PIK3C2G: variants seen among roughly 807,000 people sequenced by gnomAD.
PIK3C2G encodes the protein phosphatidylinositol-4-phosphate 3-kinase catalytic subunit type 2 gamma, also known as phosphatidylinositol 3-kinase C2 domain-containing subunit gamma.
A neutral mutation model predicts 181.1 loss-of-function variants in PIK3C2G; 168 were observed. The observed-to-expected ratio is 0.93, with a 90% CI of 0.82 to 1.05. PIK3C2G has a LOEUF of 1.05. Among genes scored for constraint, PIK3C2G ranks in the 50% least tolerant of loss-of-function variants. PIK3C2G has a pLI of 0.00. For synonymous variants in PIK3C2G, 573 were observed against 592.2 expected (o/e 0.97, Z 0.47); for missense variants, 1,869 against 1,732.8 (o/e 1.08, Z -1.40).
At chr12:18,277,173 T>C (rs181958510) in intron 1 of PIK3C2G, among the ~76,000 whole-genome samples, 14 of 152,248 alleles carry the variant, frequency 9.2e-5, no homozygotes, top group African/African-American at 2.6e-4. Context: ...TACCTATCTG[T>C]CTATCTAGTT....
At chr12:18,521,021 G>A (rs1942878871) in intron 24 of PIK3C2G, among the ~76,000 whole-genome samples, 1 of 152,098 alleles carries the variant, frequency 6.6e-6, no homozygotes, top group Non-Finnish European at 1.5e-5. Flanking sequence ...GGCTGCTGCA[G>A]TTTGCTGGGG....
intron 24 of PIK3C2G, among the ~76,000 whole-genome samples, chr12:18,506,189 T>C (rs1329126226): frequency 6.6e-6 from 1 of 151,710 alleles, no homozygotes; most frequent in East Asian, 1.9e-4. Context: ...GCACATACAA[T>C]AGCAGTGAGC....
chr12:18,698,303 T>C, the PIK3C2G span, among the ~76,000 whole-genome samples: 2 of 143,888 alleles, frequency 1.4e-5, no homozygotes, highest in African/African-American at 5.3e-5. Flanking sequence ...TTCCATTCCA[T>C]TCCATCCCAT....
intron 24 of PIK3C2G, among the ~76,000 whole-genome samples, chr12:18,533,435 T>A (rs1176775977): frequency 6.6e-6 from 1 of 152,134 alleles, no homozygotes; most frequent in South Asian, 2.1e-4. Context: ...CTCTGAAATA[T>A]GCTTTTAAGT....
intron 18 of PIK3C2G, among the ~76,000 whole-genome samples, chr12:18,487,341 T>G (rs1016745755): frequency 1.3e-5 from 2 of 152,154 alleles, no homozygotes; most frequent in African/African-American, 4.8e-5. Context: ...ATAATTTGTT[T>G]GTTAGAGTAT....
At chr12:18,542,127 T>C (rs953601425) in intron 25 of PIK3C2G, among the ~76,000 whole-genome samples, 20 of 151,884 alleles carry the variant, frequency 1.3e-4, no homozygotes, top group Admixed American at 1.2e-3. Flanking sequence ...ATTCAGGGTA[T>C]CCAGAGAAAC....
intron 30 of PIK3C2G, among the ~76,000 whole-genome samples, chr12:18,607,378 C>T (rs1262741153): frequency 6.6e-6 from 1 of 151,866 alleles, no homozygotes; most frequent in Non-Finnish European, 1.5e-5. Context: ...CAGAACAGAG[C>T]CCTCAGAAAT....
chr12:18,674,666 C>T, the PIK3C2G span, among the ~76,000 whole-genome samples: 1 of 152,172 alleles, frequency 6.6e-6, no homozygotes, highest in Non-Finnish European at 1.5e-5. Flanking sequence ...TTTGCAACTA[C>T]TCCCATGAAG....
At chr12:18,391,308 A>G in intron 15 of PIK3C2G, 56 bp downstream of exon 15, 6 of 1,378,588 alleles carry the variant, frequency 4.4e-6, no homozygotes, top group Non-Finnish European at 5.8e-6. Flanking sequence ...GATTTCCTCA[A>G]TCATTCTTGA....
downstream of PIK3C2G, among the ~76,000 whole-genome samples, chr12:18,650,038 T>A (rs116037574): frequency 5.3e-3 from 810 of 152,170 alleles, 9 homozygotes; most frequent in African/African-American, 0.019. Context: ...TGAATACTGA[T>A]GATTCCCAGT....
At chr12:18,673,403 C>T in the PIK3C2G span, among the ~76,000 whole-genome samples, 4 of 151,776 alleles carry the variant, frequency 2.6e-5, no homozygotes, top group African/African-American at 9.7e-5. Flanking sequence ...ATATCATAAA[C>T]AGAGCCATTT....
At chr12:18,379,228 G>A (rs1452530978) in intron 13 of PIK3C2G, among the ~76,000 whole-genome samples, 1 of 151,940 alleles carries the variant, frequency 6.6e-6, no homozygotes, top group Non-Finnish European at 1.5e-5. Context: ...CATGGATGAA[G>A]CTGGAAACCA....
intron 17 of PIK3C2G, 74 bp downstream of exon 17, chr12:18,421,108 C>A: frequency 1.2e-6 from 1 of 831,916 alleles, no homozygotes; most frequent in South Asian, 1.5e-5. Context: ...AATGAATCAA[C>A]AATAGTCTAT....
Position 18,538,311 on chromosome 12 carries a change from TG to T in PIK3C2G, c.3480+1del, listed in dbSNP as rs767679467. 101 of 1,595,586 alleles carry T rather than the reference TG, an allele frequency of 6.3e-5. No homozygotes were observed. Among genetic ancestry groups the T allele is most frequent in the Non-Finnish European group, 8.3e-5 (98 of 1,173,748 alleles). ...HSQLLLNLLE[M>X]MLYAGLPELS... Reference sequence around the variant, plus strand: ...CAACTGCTCTTGAACCTGCTGGAAATGGTAAGTCCCTTGGGAAAAAAAAACA... The same window carrying T: ...CAACTGCTCTTGAACCTGCTGGAAATGTAAGTCCCTTGGGAAAAAAAAACA... On this transcript the variant is annotated frameshift_variant and splice_region_variant, in exon 25 of 33. Coordinates refer to ENST00000538779, the MANE Select transcript of PIK3C2G (RefSeq NM_001288772.2). LOFTEE classifies it high-confidence loss of function.
the PIK3C2G span, among the ~76,000 whole-genome samples, chr12:18,674,845 C>T: frequency 2.5e-4 from 38 of 152,210 alleles, no homozygotes; most frequent in Non-Finnish European, 4.4e-4. Flanking sequence ...TGCTCTTGTC[C>T]GCTTAGAACA....
chr12:18,399,550 T>G, intron 15 of PIK3C2G, 109 bp from the exon 16 acceptor site: 1 of 535,954 alleles, frequency 1.9e-6, no homozygotes, highest in Non-Finnish European at 3.1e-6. Flanking sequence ...GAAAGTAAAC[T>G]AAAATAAAAT....
intron 18 of PIK3C2G, among the ~76,000 whole-genome samples, chr12:18,438,384 C>A (rs1946556090): frequency 6.6e-6 from 1 of 151,818 alleles, no homozygotes; most frequent in South Asian, 2.1e-4. Context: ...CAGTAGACTC[C>A]AGTGTGGCTC....
chr12:18,495,033 G>A (rs986020493), intron 20 of PIK3C2G, among the ~76,000 whole-genome samples: 3 of 151,986 alleles, frequency 2.0e-5, no homozygotes, highest in African/African-American at 4.8e-5. Context: ...AAGGGTTTGT[G>A]TTTAGTTAAG....
chr12:18,395,550 A>C (rs1374534578), intron 15 of PIK3C2G, among the ~76,000 whole-genome samples: 1 of 148,590 alleles, frequency 6.7e-6, no homozygotes, highest in African/African-American at 2.5e-5. Flanking sequence ...ATCATACTAG[A>C]TGGAAACTCA....
Sources: gnomAD v4.1 joint callset for allele counts (sites outside exome capture counted in the v4.1 genomes callset) on GRCh38, gnomAD v4.1.1 for gene constraint, MANE v1.5 for transcripts, NCBI Gene and HGNC (gene_info 2026-07-23, HGNC 2026-07-21) for gene names.